Variants in HPSE2 observed in about 807,000 individuals in gnomAD.
The protein encoded by HPSE2 is heparanase 2 (inactive), also known as inactive heparanase-2.
Under a neutral mutation model 60.5 loss-of-function variants are expected in HPSE2, and 38 were observed. The ratio of observed to expected loss-of-function variants is 0.63; its 90% CI spans 0.48 to 0.82. HPSE2 has a LOEUF of 0.82. Among genes scored for constraint, HPSE2 ranks in the 40% least tolerant of loss-of-function variants. The probability of loss-of-function intolerance (pLI) is 0.00; values close to 1 mark genes in which losing one functional copy is unlikely to be tolerated. For synonymous variants in HPSE2, 295 were observed against 293.2 expected, an observed-to-expected ratio of 1.01 and a Z score of -0.06; for missense variants, 713 against 740.4, an observed-to-expected ratio of 0.96 and a Z score of 0.43.
chr10:99,238,376 A>T (rs570545998), upstream of HPSE2, among the ~76,000 whole-genome samples: 1 of 152,210 alleles, frequency 6.6e-6, no homozygotes, highest in African/African-American at 2.4e-5. Flanking sequence ...TACTGACCTA[A>T]CTACTCTATA....
chr10:99,202,169 T>C (rs1848597010), intron 2 of HPSE2, among the ~76,000 whole-genome samples: 1 of 152,232 alleles, frequency 6.6e-6, no homozygotes, highest in African/African-American at 2.4e-5. Flanking sequence ...GATAGAGATA[T>C]CAGTTATATA....
chr10:99,148,466 C>A (rs879490571), intron 2 of HPSE2, among the ~76,000 whole-genome samples: 8 of 152,020 alleles, frequency 5.3e-5, no homozygotes, highest in Non-Finnish European at 8.8e-5. Context: ...AAGAAAAGTA[C>A]AAATATGGAA....
intron 3 of HPSE2, among the ~76,000 whole-genome samples, chr10:99,006,244 T>C (rs1292380378): frequency 6.6e-6 from 1 of 151,940 alleles, no homozygotes; most frequent in Non-Finnish European, 1.5e-5. Context: ...GGGTTCTGGA[T>C]CTATAAGGTG....
intron 3 of HPSE2, among the ~76,000 whole-genome samples, chr10:98,788,744 A>G (rs1454188500): frequency 1.3e-5 from 2 of 151,662 alleles, no homozygotes; most frequent in Non-Finnish European, 2.9e-5. Flanking sequence ...TGACTCGGAA[A>G]GGGAACTCCC....
Position 98,721,662 on chromosome 10 carries a change from T to G in HPSE2, c.951A>C (p.Leu317=). ...GRPRKNVIAL[L]DGFMKVAGST... ...AGCTAAATAATCTGACCTACCCATC[T>G]AGGAGGGCGATGACATTCTTCCTCG... The change falls in exon 5 of 12, where the codon CTA becomes CTC. Residue 317 remains leucine (L), a synonymous_variant. Coordinates refer to ENST00000370552, the MANE Select transcript of HPSE2 (RefSeq NM_021828.5). 1 of 1,613,460 alleles carries G rather than the reference T, an allele frequency of 6.2e-7. No homozygotes were observed. Among genetic ancestry groups the G allele is most frequent in the Non-Finnish European group, 8.5e-7 (1 of 1,179,776 alleles).
chr10:98,743,795 A>G, intron 4 of HPSE2, 88 bp downstream of exon 4: 1 of 1,191,158 alleles, frequency 8.4e-7, no homozygotes, highest in Non-Finnish European at 1.3e-6. Context: ...CCAGGGTACT[A>G]GAGATGGTCT....
At chr10:99,152,108 A>G (rs964747746) in intron 2 of HPSE2, among the ~76,000 whole-genome samples, 50 of 152,016 alleles carry the variant, frequency 3.3e-4, no homozygotes, top group African/African-American at 1.2e-3. Flanking sequence ...TCAGGAGATC[A>G]AGACCATCCT....
chr10:98,879,915 C>G (rs1055023338), intron 3 of HPSE2, among the ~76,000 whole-genome samples: 16 of 150,694 alleles, frequency 1.1e-4, no homozygotes, highest in African/African-American at 3.2e-4. Flanking sequence ...CCTACTCCAC[C>G]AGGGAACATG....
At chr10:99,105,270 G>A (rs1844196745) in intron 3 of HPSE2, among the ~76,000 whole-genome samples, 1 of 152,084 alleles carries the variant, frequency 6.6e-6, no homozygotes, top group Admixed American at 6.5e-5. Flanking sequence ...CTTCTCAAGA[G>A]AGATTCTAGT....
intron 11 of HPSE2, among the ~76,000 whole-genome samples, chr10:98,467,732 C>CG (rs1197482657): frequency 1.3e-5 from 2 of 152,352 alleles, no homozygotes; most frequent in African/African-American, 4.8e-5. Context: ...TCAGGAAGGC[C>CG]GGGAGATGTG....
intron 3 of HPSE2, among the ~76,000 whole-genome samples, chr10:98,915,095 T>A (rs1435863704): frequency 6.6e-6 from 1 of 151,890 alleles, no homozygotes; most frequent in Non-Finnish European, 1.5e-5. Flanking sequence ...TATACTTATA[T>A]AACCTCGATA....
chr10:98,897,897 A>C (rs1434497395), intron 3 of HPSE2, among the ~76,000 whole-genome samples: 1 of 152,112 alleles, frequency 6.6e-6, no homozygotes, highest in Non-Finnish European at 1.5e-5. Flanking sequence ...TCATTAATGG[A>C]ACGAAAAGCC....
At chr10:98,646,813 C>T (rs535222028) in intron 6 of HPSE2, among the ~76,000 whole-genome samples, 5 of 151,924 alleles carry the variant, frequency 3.3e-5, no homozygotes, top group Admixed American at 1.3e-4. Flanking sequence ...TCATTGTAGA[C>T]GAATTAGAGA....
chr10:98,600,911 G>GTATATATGTGTGTGTATATATATA (rs576143051), intron 9 of HPSE2, among the ~76,000 whole-genome samples: 2 of 73,720 alleles, frequency 2.7e-5, no homozygotes, highest in African/African-American at 7.4e-5. Flanking sequence ...ATGTGTGTGT[G>GTATATATGTGTGTGTATATATATA]TATATATATA....
chr10:98,532,338 G>A (rs1391376411), intron 9 of HPSE2, among the ~76,000 whole-genome samples: 2 of 152,190 alleles, frequency 1.3e-5, no homozygotes, highest in African/African-American at 2.4e-5. Context: ...AATGCCTATT[G>A]CTATAAAGGG....
At chr10:99,082,940 A>C (rs1843196741) in intron 3 of HPSE2, among the ~76,000 whole-genome samples, 1 of 152,230 alleles carries the variant, frequency 6.6e-6, no homozygotes, top group African/African-American at 2.4e-5. Context: ...GAAATACATA[A>C]AAGAAGAGAA....
intron 3 of HPSE2, among the ~76,000 whole-genome samples, chr10:99,051,855 GA>G (rs1957998696): frequency 6.6e-6 from 1 of 151,164 alleles, no homozygotes; most frequent in Non-Finnish European, 1.5e-5. Context: ...AAGAATAAAA[GA>G]AAAATGAAAA....
chr10:98,936,596 T>C (rs1954798138), intron 3 of HPSE2, among the ~76,000 whole-genome samples: 1 of 143,652 alleles, frequency 7.0e-6, no homozygotes, highest in Non-Finnish European at 1.5e-5. Flanking sequence ...GTTTCTGCTC[T>C]TCCCTATGAG....
chr10:98,765,841 T>TCAAAAAAAAAAAC (rs1445496162), intron 3 of HPSE2, among the ~76,000 whole-genome samples: 5 of 152,024 alleles, frequency 3.3e-5, no homozygotes, highest in African/African-American at 1.2e-4. Context: ...AGACTCTGTC[T>TCAAAAAAAAAAAC]AAATAAAAAA....
Sources: allele counts gnomAD v4.1 joint callset (sites outside exome capture counted in the v4.1 genomes callset), GRCh38; gene constraint gnomAD v4.1.1; transcripts MANE v1.5; gene names NCBI Gene and HGNC (gene_info 2026-07-23, HGNC 2026-07-21).